LARP4: variants seen among roughly 807,000 people sequenced by gnomAD.
The protein encoded by LARP4 is La ribonucleoprotein 4.
A neutral mutation model predicts 92.9 loss-of-function variants in LARP4; 29 were observed. That is an observed-to-expected ratio of 0.31 (90% CI 0.23 to 0.43). The LOEUF (loss-of-function observed/expected upper bound fraction) is 0.43. LARP4 is among the 20% of genes least tolerant of loss of function. The probability of loss-of-function intolerance (pLI) is 1.00; values close to 1 mark genes in which losing one functional copy is unlikely to be tolerated. For synonymous variants in LARP4, 279 were observed against 284.1 expected, an observed-to-expected ratio of 0.98 and a Z score of 0.18; for missense variants, 732 against 860.0, an observed-to-expected ratio of 0.85 and a Z score of 1.86.
At chr12:50,475,462 T>A in intron 15 of LARP4, 64 bp from the exon 16 acceptor site, 2 of 1,359,402 alleles carry the variant, frequency 1.5e-6, no homozygotes, top group South Asian at 2.8e-5. Flanking sequence ...AACACAATCA[T>A]TTTTATACTT....
chr12:50,401,970 T>C (rs1943931076), intron 1 of LARP4, among the ~76,000 whole-genome samples: 1 of 152,178 alleles, frequency 6.6e-6, no homozygotes, highest in African/African-American at 2.4e-5. Flanking sequence ...CCAGATCATA[T>C]TGTTCTTACA....
At chr12:50,416,846 A>C in intron 1 of LARP4, among the ~76,000 whole-genome samples, 1 of 151,796 alleles carries the variant, frequency 6.6e-6, no homozygotes, top group East Asian at 1.9e-4. Context: ...GTGTGGTGGC[A>C]TGCAGCTGTA....
intron 8 of LARP4, among the ~76,000 whole-genome samples, chr12:50,449,415 TTCTC>T (rs1195386357): frequency 5.3e-5 from 8 of 152,186 alleles, no homozygotes; most frequent in Non-Finnish European, 8.8e-5. Context: ...TCTCTGTCCT[TTCTC>T]TCCTGTTTTT....
chr12:50,461,307 A>T lies in LARP4; in HGVS notation c.1294A>T (p.Thr432Ser). The stretch of plus-strand genomic sequence containing the variant: ...AACTTACCTTCAGAAGGAGACTTCC[A>T]CTTTGCAGGTGGAACAGAATGGGGA... ...EQTYLQKETS[T>S]LQVEQNGDYG... is the part of the protein sequence containing the mutation. Residue 432 changes from threonine to serine, a missense_variant, in exon 11 of 16, where the codon ACT (threonine) becomes TCT (serine). Thr to Ser is a moderately conservative substitution (Grantham distance 58, BLOSUM62 1). This residue lies in a region of LARP4 where 264 missense variants were observed against 269.5 expected (regional missense o/e 0.98). Transcript: ENST00000398473. 1 of 1,614,102 alleles carries T rather than the reference A, an allele frequency of 6.2e-7. No individual in the cohort carries two copies. The highest frequency in any genetic ancestry group is 8.5e-7 in the Non-Finnish European group (1 of 1,180,028).
At chr12:50,434,814 G>A (rs558008373) in intron 4 of LARP4, among the ~76,000 whole-genome samples, 4 of 152,152 alleles carry the variant, frequency 2.6e-5, no homozygotes, top group Non-Finnish European at 5.9e-5. Context: ...GGAGGCTGAG[G>A]CGGATGGATC....
chr12:50,440,474 C>G lies in LARP4; in HGVS notation c.675C>G (p.Pro225=). ...VKGLFKSENC[P]KVISCEFAHN... is the part of the protein sequence containing the mutation. ...GTTTGTTCAAAAGTGAAAACTGCCCCAAAGTGATAAGCTGTGAGTTTGCAC... is the reference window on the plus strand; with the variant it reads ...GTTTGTTCAAAAGTGAAAACTGCCCGAAAGTGATAAGCTGTGAGTTTGCAC... Residue 225 remains proline (P), a synonymous_variant, in exon 7 of 16, where the codon CCC becomes CCG. Coordinates refer to ENST00000398473, the MANE Select transcript of LARP4 (RefSeq NM_052879.5). 2 of 1,613,848 alleles carry G rather than the reference C, an allele frequency of 1.2e-6. No homozygotes were observed. Among genetic ancestry groups the G allele is most frequent in the Non-Finnish European group, 1.7e-6 (2 of 1,179,826 alleles).
chr12:50,443,730 G>A (rs1951596168), intron 8 of LARP4, among the ~76,000 whole-genome samples: 1 of 152,148 alleles, frequency 6.6e-6, no homozygotes. Flanking sequence ...TCCTGCCTCA[G>A]CCTCCGGCGT....
chr12:50,422,296 C>G (rs1947936543), intron 1 of LARP4, among the ~76,000 whole-genome samples: 1 of 152,112 alleles, frequency 6.6e-6, no homozygotes, highest in African/African-American at 2.4e-5. Flanking sequence ...GGAGATGATA[C>G]ATATAAAGCA....
At chr12:50,468,068 C>G (rs1402464453) in intron 13 of LARP4, among the ~76,000 whole-genome samples, 1 of 151,976 alleles carries the variant, frequency 6.6e-6, no homozygotes, top group Non-Finnish European at 1.5e-5. Flanking sequence ...CAACCTCCAC[C>G]TCCCGGGTTC....
At chr12:50,434,887 T>C (rs1950193543) in intron 4 of LARP4, among the ~76,000 whole-genome samples, 1 of 151,526 alleles carries the variant, frequency 6.6e-6, no homozygotes, top group Non-Finnish European at 1.5e-5. Flanking sequence ...TACTAAAAAA[T>C]ACAAAAAAAA....
chr12:50,467,483 A>T (rs989106699), intron 13 of LARP4, among the ~76,000 whole-genome samples: 1 of 151,688 alleles, frequency 6.6e-6, no homozygotes, highest in Non-Finnish European at 1.5e-5. Flanking sequence ...ATTTTTTTTT[A>T]GTAGAGACAG....
chr12:50,412,442 G>C (rs911388809), intron 1 of LARP4: 1 of 973,502 alleles, frequency 1.0e-6, no homozygotes, highest in Admixed American at 6.2e-5. Context: ...TTCTGTTTCT[G>C]ATAGTAAATA....
intron 1 of LARP4, among the ~76,000 whole-genome samples, chr12:50,405,784 A>G (rs1351871687): frequency 6.6e-6 from 1 of 152,158 alleles, no homozygotes; most frequent in African/African-American, 2.4e-5. Flanking sequence ...TTTGTGGGAA[A>G]TTGGTTCCAG....
intron 1 of LARP4, among the ~76,000 whole-genome samples, chr12:50,404,426 G>A (rs1422658360): frequency 2.0e-5 from 3 of 152,000 alleles, no homozygotes; most frequent in East Asian, 3.9e-4. Flanking sequence ...GTGGTGGCAT[G>A]TACCTGTAGT....
At chr12:50,426,687 GTGTGTGTGTGTGTGTGT>G (rs1592958701) in intron 1 of LARP4, among the ~76,000 whole-genome samples, 8 of 81,032 alleles carry the variant, frequency 9.9e-5, no homozygotes, top group African/African-American at 3.6e-4. Flanking sequence ...TGTTTGGGGT[GTGTGTGTGTGTGTGTGT>G]GTGTGTGTGT....
At chr12:50,460,179 C>T (rs1163228173) in intron 10 of LARP4, among the ~76,000 whole-genome samples, 3 of 151,958 alleles carry the variant, frequency 2.0e-5, no homozygotes, top group Non-Finnish European at 2.9e-5. Flanking sequence ...TGCATAGACT[C>T]ATAAGCTTAA....
At chr12:50,401,635 C>T (rs1240913241) in intron 1 of LARP4, among the ~76,000 whole-genome samples, 2 of 152,136 alleles carry the variant, frequency 1.3e-5, no homozygotes, top group African/African-American at 4.8e-5. Context: ...CCTTGAAAGG[C>T]ACCGCTTTGA....
intron 6 of LARP4, 50 bp from the exon 7 acceptor site, chr12:50,440,389 C>T (rs944524349): frequency 2.3e-6 from 3 of 1,330,158 alleles, no homozygotes; most frequent in Non-Finnish European, 3.2e-6. Context: ...CAAAAAATGC[C>T]AATTATTGAT....
At chr12:50,430,080 A>C (rs1024502050) in intron 3 of LARP4, among the ~76,000 whole-genome samples, 1 of 152,228 alleles carries the variant, frequency 6.6e-6, no homozygotes, top group African/African-American at 2.4e-5. Flanking sequence ...AAAAATAATA[A>C]AAAATACAGT....
Sources: allele counts gnomAD v4.1 joint callset (sites outside exome capture counted in the v4.1 genomes callset), GRCh38; gene constraint gnomAD v4.1.1; regional missense constraint gnomAD v4.1.1; transcripts MANE v1.5; gene names NCBI Gene and HGNC (gene_info 2026-07-23, HGNC 2026-07-21).